FAM107A: variants seen among roughly 807,000 people sequenced by gnomAD.
FAM107A encodes actin-associated protein FAM107A.
A neutral mutation model predicts 13.7 loss-of-function variants in FAM107A; 19 were observed. The ratio of observed to expected loss-of-function variants is 1.38; its 90% CI spans 0.97 to 2.03. The LOEUF is 2.03. Ranked by LOEUF, FAM107A falls within the 30% of genes most tolerant of loss-of-function variation. The probability of loss-of-function intolerance (pLI) is 0.00; values close to 1 mark genes in which losing one functional copy is unlikely to be tolerated. For synonymous variants in FAM107A, 82 were observed against 74.5 expected (o/e 1.10, Z -0.52); for missense variants, 203 against 184.4 (o/e 1.10, Z -0.58).
chr3:58,605,372 G>C (rs971456595), intron 1 of FAM107A, among the ~76,000 whole-genome samples: 1 of 152,170 alleles, frequency 6.6e-6, no homozygotes, highest in African/African-American at 2.4e-5. Context: ...AGATTTTGGG[G>C]CTCCCTATCT....
chr3:58,593,287 C>T (rs2065669368), intron 1 of FAM107A, among the ~76,000 whole-genome samples: 2 of 152,162 alleles, frequency 1.3e-5, no homozygotes, highest in African/African-American at 4.8e-5. Flanking sequence ...TCTATTCGTC[C>T]TTACCCTACT....
chr3:58,574,829 C>T (rs2063717198), intron 1 of FAM107A, among the ~76,000 whole-genome samples: 1 of 152,156 alleles, frequency 6.6e-6, no homozygotes. Flanking sequence ...GCCACAGGCT[C>T]CACAGGATGT....
intron 1 of FAM107A, among the ~76,000 whole-genome samples, chr3:58,583,018 C>T (rs763760578): frequency 6.6e-6 from 1 of 152,190 alleles, no homozygotes; most frequent in Admixed American, 6.5e-5. Flanking sequence ...AGGCTGGTCT[C>T]GAACACCTGA....
intron 1 of FAM107A, among the ~76,000 whole-genome samples, chr3:58,595,664 G>T (rs552282160): frequency 3.9e-5 from 6 of 151,928 alleles, no homozygotes; most frequent in Admixed American, 6.6e-5. Context: ...GACTCAGCCC[G>T]CCTGCACCCA....
rs567898542 is a variant in FAM107A at position 58,622,633 on chromosome 3, C to T, written c.-70+4783G>A. Among the ~76,000 whole-genome samples, 36 of 152,260 alleles carry T rather than the reference C, an allele frequency of 2.4e-4. 1 individual carries two copies. The South Asian group carries it at 3.1e-3, about 13-fold the overall frequency. ...ACAAGAGCAGGTGGGGCAAGCCCTG[C>T]GGCTGGAATGCAGAGAAGTGTTGGC... On this transcript the variant is annotated intron_variant, in intron 1 of 3. Transcript: ENST00000465970.
At chr3:58,606,951 C>T in intron 1 of FAM107A, 1 of 152,188 alleles carries the variant, frequency 6.6e-6, no homozygotes, top group Admixed American at 6.5e-5. Context: ...AAAAGTAGAG[C>T]CCTGAGAGAG....
intron 1 of FAM107A, among the ~76,000 whole-genome samples, chr3:58,584,368 G>T (rs117106007): frequency 1.3e-5 from 2 of 152,208 alleles, no homozygotes; most frequent in African/African-American, 4.8e-5. Context: ...GGGAGTTGAT[G>T]AGATGGCAGA....
chr3:58,626,006 G>T lies in FAM107A; in HGVS notation c.-70+1410C>A, dbSNP rs182938452. Among the ~76,000 whole-genome samples, 208 of 152,272 alleles carry T rather than the reference G, an allele frequency of 1.4e-3. 1 individual carries two copies. Among genetic ancestry groups the T allele is most frequent in the African/African-American group, 4.8e-3 (201 of 41,544 alleles). On this transcript the variant is annotated intron_variant, in intron 1 of 3. Coordinates refer to the FAM107A transcript ENST00000465970. ...GGCATCATCTTGTTGAACTTCCCAC[G>T]AAGCAGGTACCAGCCCCCCTTTATA...
rs373977668 is a variant in FAM107A, at chr3:58,567,308, C to T, written c.227G>A (p.Arg76Gln). Residue 76 changes from arginine (R) to glutamine (Q), a missense_variant, in exon 3 of 4, where the codon CGG (arginine) becomes CAG (glutamine). Physicochemically the swap from Arg to Gln is conservative, Grantham distance 43. Coordinates refer to ENST00000360997, the MANE Select transcript of FAM107A (RefSeq NM_001076778.3). The stretch of plus-strand genomic sequence containing the variant: ...CTTCTTCTTCTTGATGAGCTGGTTC[C>T]GCCGGCGGTGCTCTAGGACACGCTG... Reference protein sequence around the residue: ...ELQRVLEHRRRNQLIKKKKEE... With the variant: ...ELQRVLEHRRQNQLIKKKKEE... The T allele has an allele frequency of 8.4e-5, 136 of 1,612,798 alleles. No individual in the cohort carries two copies. Among genetic ancestry groups the T allele is most frequent in the Non-Finnish European group, 1.1e-4 (128 of 1,179,676 alleles).
In FAM107A at chr3:58,617,539, G is replaced by A. The variant is rs1294424866; in HGVS notation, c.-70+9877C>T. Among the ~76,000 whole-genome samples the A allele has an allele frequency of 6.6e-6, 1 of 152,114 alleles. No homozygotes were observed. The highest frequency in any genetic ancestry group is 1.5e-5 in the Non-Finnish European group (1 of 68,020). ...CCTTTCTCTCCGCCCCAGGCCCTGAGATCTGATCTCTTACTTACACAAAGC... is the reference window on the plus strand; with the variant it reads ...CCTTTCTCTCCGCCCCAGGCCCTGAAATCTGATCTCTTACTTACACAAAGC... On this transcript the variant is annotated intron_variant, in intron 1 of 3. Coordinates refer to the FAM107A transcript ENST00000465970. This position sits in a 1 kb window ranked among gnomAD's most constrained non-coding sequence, Gnocchi z 4.5.
intron 1 of FAM107A, among the ~76,000 whole-genome samples, chr3:58,596,056 G>C (rs2065704731): frequency 6.6e-6 from 1 of 152,180 alleles, no homozygotes; most frequent in Non-Finnish European, 1.5e-5. Flanking sequence ...TGTACAATAT[G>C]CCCCAATACA....
intron 1 of FAM107A, among the ~76,000 whole-genome samples, chr3:58,583,533 A>T (rs2065570618): frequency 6.6e-6 from 1 of 151,708 alleles, no homozygotes. Context: ...GAGGCAGGAG[A>T]GTTGCTTGAA....
At chr3:58,578,888 C>T (rs372963599), upstream of FAM107A, among the ~76,000 whole-genome samples, 20 of 152,328 alleles carry the variant, frequency 1.3e-4, no homozygotes, top group East Asian at 2.7e-3. Flanking sequence ...CTTGTGTCTT[C>T]TTTGGCCTAT....
At position 58,569,914 on chromosome 3, in the gene FAM107A, C is replaced by T. The variant is rs952976483; in HGVS notation, c.-5-49G>A. The T allele has an allele frequency of 1.9e-5, 29 of 1,567,008 alleles. No individual in the cohort carries two copies. The highest frequency in any genetic ancestry group is 2.3e-5 in the Non-Finnish European group (27 of 1,154,308). On this transcript the variant is annotated intron_variant, in intron 1 of 3. Transcript: ENST00000360997. This position sits in a 1 kb window ranked among gnomAD's most constrained non-coding sequence, Gnocchi z 5.7. Reference sequence around the variant, plus strand: ...GCTCAGAGCTGAGCCTATAATCTCACCCTGCCCCATGGGACACAGTTGAAG... The same window carrying T: ...GCTCAGAGCTGAGCCTATAATCTCATCCTGCCCCATGGGACACAGTTGAAG...
rs549374658 is a variant in FAM107A at position 58,596,696 on chromosome 3, G to C, written c.-69-7427C>G. ...TCGGTCTCAAAAAAAAAAAAAAATT[G>C]AGGTGTAGCATAAAGTCCATTGTGC... On this transcript the variant is annotated intron_variant, in intron 1 of 3. Transcript: ENST00000465970. Among the ~76,000 whole-genome samples, 3 of 147,762 alleles carry C rather than the reference G, an allele frequency of 2.0e-5. No individual in the cohort carries two copies. In the East Asian group the frequency reaches 6.0e-4, roughly 30 times the overall value.
At chr3:58,622,044 A>C (rs1454095700) in intron 1 of FAM107A, among the ~76,000 whole-genome samples, 1 of 152,200 alleles carries the variant, frequency 6.6e-6, no homozygotes, top group African/African-American at 2.4e-5. Context: ...GCAAGTAATG[A>C]CTGGAATTGG....
chr3:58,598,978 G>A (rs1263953727), intron 1 of FAM107A, among the ~76,000 whole-genome samples: 1 of 151,556 alleles, frequency 6.6e-6, no homozygotes, highest in Non-Finnish European at 1.5e-5. Flanking sequence ...TTTTGCTCTT[G>A]TCGCCCAGGC....
Position 58,599,724 on chromosome 3 carries a change from T to A in FAM107A, c.-69-10455A>T, listed in dbSNP as rs985205253. Among the ~76,000 whole-genome samples, 16 of 81,550 alleles carry A rather than the reference T, an allele frequency of 2.0e-4. 2 individuals are homozygous for A. The highest frequency in any genetic ancestry group is 4.7e-4 in the South Asian group (1 of 2,140). 53.5% of individuals were successfully genotyped at this position (81,550 alleles called of 152,430 possible). ...TTTTTTTTTTTTTTTTTTTTTTTTT[T>A]TTTTTTTTTTTGAGACGGGATCCCG... On this transcript the variant is annotated intron_variant, in intron 1 of 3. Coordinates refer to the FAM107A transcript ENST00000465970.
intron 1 of FAM107A, among the ~76,000 whole-genome samples, chr3:58,625,712 T>C (rs1279027842): frequency 6.6e-6 from 1 of 152,288 alleles, no homozygotes; most frequent in Non-Finnish European, 1.5e-5. Flanking sequence ...TTCTGGATTC[T>C]GGCCAGAGGC....
Sources: allele counts gnomAD v4.1 joint callset (sites outside exome capture counted in the v4.1 genomes callset), GRCh38; gene constraint gnomAD v4.1.1; non-coding constraint Gnocchi (gnomAD v3.1); transcripts MANE v1.5; gene names NCBI Gene and HGNC (gene_info 2026-07-23, HGNC 2026-07-21).